The following EIF4G3 variants were observed in gnomAD, a reference collection of about 807,000 sequenced individuals.
EIF4G3 encodes the protein eukaryotic translation initiation factor 4 gamma 3, also known as eIF-4-gamma 3.
In EIF4G3, 34 loss-of-function variants were observed where a neutral mutation model predicts 186.4. The observed-to-expected ratio is 0.18, with a 90% CI of 0.14 to 0.24. The LOEUF (loss-of-function observed/expected upper bound fraction) is 0.24, where lower values mean the gene tolerates loss of function less well. Among genes scored for constraint, EIF4G3 ranks in the 10% least tolerant of loss-of-function variants. The pLI, the probability that EIF4G3 is intolerant of heterozygous loss-of-function variation, is 1.00. For missense variants in EIF4G3, 1,536 were observed against 1,948.5 expected (o/e 0.79, Z 3.99); for synonymous variants, 673 against 679.5 (o/e 0.99, Z 0.15).
At chr1:21,166,914 T>G (rs1433034430) in intron 2 of EIF4G3, among the ~76,000 whole-genome samples, 2 of 151,978 alleles carry the variant, frequency 1.3e-5, no homozygotes, top group African/African-American at 2.4e-5. Context: ...CCCAAGTAGC[T>G]GGGACTACAG....
In EIF4G3 at chr1:20,851,476, C is replaced by T. The variant is rs745779320; in HGVS notation, c.3554G>A (p.Arg1185His). The part of the protein sequence containing the change: ...EFDSRRTLTS[R>H]GSMGREKNDK... ...ATTCTTCTCCCTGCCCATACTTCCA[C>T]GACTTAAAAGACAAAACAACACTTT... is the stretch of plus-strand genomic sequence containing the variant. The change falls in exon 28 of 37, where the codon CGT becomes CAT. Residue 1185 changes from arginine (R) to histidine (H), a missense_variant and splice_region_variant. Arg to His is a conservative substitution (Grantham distance 29). Around this residue, in one of 11 missense-constraint regions of EIF4G3, gnomAD observed 395 missense variants for 498.9 expected, o/e 0.79. Coordinates refer to ENST00000602326, the MANE Select transcript of EIF4G3 (RefSeq NM_001391906.1). The T allele has an allele frequency of 1.5e-5, 24 of 1,613,934 alleles. No homozygotes were observed. Among genetic ancestry groups the T allele is most frequent in the Middle Eastern group, 1.6e-4 (1 of 6,080 alleles).
chr1:20,869,459 C>T (rs2078512194), intron 20 of EIF4G3, among the ~76,000 whole-genome samples: 1 of 151,706 alleles, frequency 6.6e-6, no homozygotes, highest in African/African-American at 2.4e-5. Context: ...CTACTCCTGG[C>T]CAAGGACAGT....
In EIF4G3 at chr1:21,176,224, G is replaced by C; in HGVS notation, c.-321C>G. On this transcript the variant is annotated 5_prime_UTR_variant, in exon 2 of 37. Transcript: ENST00000602326. ...GCCCTGATGTTCGGGTGAGGAGGGG[G>C]GACCGCTGCCGCCGCCGCCGCCGCC... The C allele has an allele frequency of 2.4e-6, 1 of 419,300 alleles. No homozygotes were observed. Among genetic ancestry groups the C allele is most frequent in the Non-Finnish European group, 4.1e-6 (1 of 242,102 alleles). The allele number at this position is 419,300 out of a possible 1,614,324, so 26.0% of individuals were successfully genotyped here. A position where few individuals can be genotyped will look rare whatever the true frequency, so the allele number is the denominator to read the frequency against.
chr1:20,999,601 A>C (rs1331980287), intron 6 of EIF4G3: 2 of 348,656 alleles, frequency 5.7e-6, no homozygotes, highest in Non-Finnish European at 1.1e-5. Flanking sequence ...TTCTATGAAC[A>C]AGAAGAGTAT....
intron 2 of EIF4G3, among the ~76,000 whole-genome samples, chr1:21,154,959 A>G (rs1006454917): frequency 2.6e-5 from 4 of 152,162 alleles, no homozygotes; most frequent in Admixed American, 2.6e-4. Context: ...AACCAGAAAT[A>G]TATTTTTTAA....
rs61253859 is a variant in EIF4G3 at position 20,984,559 on chromosome 1, T to TAC, written c.178-2153_178-2152dup. Among the ~76,000 whole-genome samples, 501 of 142,360 alleles carry TAC rather than the reference T, an allele frequency of 3.5e-3. 2 individuals are homozygous for TAC. The highest frequency in any genetic ancestry group is 0.013 in the African/African-American group (478 of 38,214). 93.4% of individuals were successfully genotyped at this position (142,360 alleles called of 152,430 possible). On this transcript the variant is annotated intron_variant, in intron 7 of 36. Coordinates refer to ENST00000602326, the MANE Select transcript of EIF4G3 (RefSeq NM_001391906.1). ...AACCTAAGCATTATATATATATATA[T>TAC]ACACACACACACACACACACACACA...
intron 14 of EIF4G3, among the ~76,000 whole-genome samples, chr1:20,925,914 GGA>G (rs1235501169): frequency 2.6e-5 from 4 of 152,166 alleles, no homozygotes; most frequent in East Asian, 1.9e-4. Context: ...GCAGAAACTT[GGA>G]GAGAGGTATT....
chr1:21,094,487 C>T (rs1282135289), intron 2 of EIF4G3, among the ~76,000 whole-genome samples: 3 of 151,642 alleles, frequency 2.0e-5, no homozygotes, highest in Non-Finnish European at 1.5e-5. Context: ...TGGATGAAGA[C>T]GGAAACCATC....
intron 2 of EIF4G3, among the ~76,000 whole-genome samples, chr1:21,118,772 C>T (rs1221363303): frequency 1.4e-5 from 2 of 144,012 alleles, no homozygotes; most frequent in Non-Finnish European, 3.0e-5. Context: ...GGCGACAGAG[C>T]GAGACTACAT....
intron 35 of EIF4G3, among the ~76,000 whole-genome samples, chr1:20,811,302 AGG>A (rs2059198751): frequency 6.6e-6 from 1 of 152,138 alleles, no homozygotes; most frequent in Non-Finnish European, 1.5e-5. Context: ...TAATAGAGAC[AGG>A]GTCTCGCTAT....
At chr1:20,806,369 A>C (rs1028729102), downstream of EIF4G3, 8 of 152,600 alleles carry the variant, frequency 5.2e-5, no homozygotes, top group East Asian at 3.9e-4. Flanking sequence ...CTCTCGTTTT[A>C]TCTCTCTCCC....
At chr1:21,082,470 C>T (rs2095819862) in intron 3 of EIF4G3, among the ~76,000 whole-genome samples, 1 of 151,982 alleles carries the variant, frequency 6.6e-6, no homozygotes, top group Non-Finnish European at 1.5e-5. Flanking sequence ...CCTGTAATAC[C>T]AGCTACTCAG....
At chr1:21,091,788 CTGTT>C (rs544412157) in intron 2 of EIF4G3, among the ~76,000 whole-genome samples, 144 of 152,230 alleles carry the variant, frequency 9.5e-4, no homozygotes, top group African/African-American at 3.2e-3. Context: ...ATTTGGCTCT[CTGTT>C]TGTCTGTCAT....
At position 21,056,736 on chromosome 1, in the gene EIF4G3, C is replaced by A. The variant is rs187130229; in HGVS notation, c.-195-5742G>T. Among the ~76,000 whole-genome samples, 215 of 152,248 alleles carry A rather than the reference C, an allele frequency of 1.4e-3. 4 individuals carry two copies. Among genetic ancestry groups the A allele is most frequent in the Admixed American group, 0.012 (182 of 15,284 alleles). On this transcript the variant is annotated intron_variant, in intron 3 of 36. Coordinates refer to ENST00000602326, the MANE Select transcript of EIF4G3 (RefSeq NM_001391906.1). ...AAGGGAGTAGCAACAAGTTCTCATACAAAGAAAACAAGTACGTTTTCCCAT... is the reference window on the plus strand; with the variant it reads ...AAGGGAGTAGCAACAAGTTCTCATAAAAAGAAAACAAGTACGTTTTCCCAT...
At chr1:20,968,199 A>T (rs1456159606) in intron 12 of EIF4G3, among the ~76,000 whole-genome samples, 3 of 148,238 alleles carry the variant, frequency 2.0e-5, no homozygotes, top group African/African-American at 7.4e-5. Flanking sequence ...TTTAAGACAG[A>T]GTCTCTCTCT....
chr1:20,827,692 A>G lies in EIF4G3; in HGVS notation c.4194T>C (p.Phe1398=), dbSNP rs1489772108. 7 of 1,608,372 alleles carry G rather than the reference A, an allele frequency of 4.4e-6. No homozygotes were observed. The highest frequency in any genetic ancestry group is 1.1e-5 in the South Asian group (1 of 90,880). Residue 1398 remains phenylalanine (F), a synonymous_variant, in exon 32 of 37, where the codon TTT becomes TTC. Coordinates refer to ENST00000602326, the MANE Select transcript of EIF4G3 (RefSeq NM_001391906.1). ...TTCCAACAGGAAGTAAAGGTTTGCT[A>G]AATTCTCTGTAAAAGATAGGAGCAG... ...GISMRELTIE[F]SKPLLPVGRA...
intron 33 of EIF4G3, among the ~76,000 whole-genome samples, chr1:20,824,843 T>C (rs1033933357): frequency 3.3e-5 from 5 of 152,196 alleles, no homozygotes; most frequent in Admixed American, 2.6e-4. Flanking sequence ...GCTTTATTTG[T>C]TAACTTCATT....
chr1:20,911,354 G>A (rs2093166690), intron 14 of EIF4G3, among the ~76,000 whole-genome samples: 1 of 151,912 alleles, frequency 6.6e-6, no homozygotes, highest in Non-Finnish European at 1.5e-5. Context: ...GACTGCTTGA[G>A]GCCAGGAGTT....
intron 29 of EIF4G3, among the ~76,000 whole-genome samples, chr1:20,842,988 G>A (rs1017098208): frequency 6.6e-6 from 1 of 151,892 alleles, no homozygotes; most frequent in Admixed American, 6.6e-5. Flanking sequence ...GGGACCACAG[G>A]CATGCCACCA....
Sources: gnomAD v4.1 joint callset for allele counts (sites outside exome capture counted in the v4.1 genomes callset) on GRCh38, gnomAD v4.1.1 for gene constraint, gnomAD v4.1.1 regional missense constraint, MANE v1.5 for transcripts, NCBI Gene and HGNC (gene_info 2026-07-23, HGNC 2026-07-21) for gene names.